TENM3: variants seen among roughly 807,000 people sequenced by gnomAD.
TENM3 encodes the protein teneurin-3.
TENM3 carries 63 observed loss-of-function variants against 255.1 expected under a neutral mutation model. That is an observed-to-expected ratio of 0.25 (90% CI 0.20 to 0.30). The LOEUF is 0.30. TENM3 is among the 10% of genes least tolerant of loss of function. The pLI is 1.00. For synonymous variants in TENM3, 1,306 were observed against 1,322.3 expected, an observed-to-expected ratio of 0.99 and a Z score of 0.27; for missense variants, 2,929 against 3,461.1, an observed-to-expected ratio of 0.85 and a Z score of 3.86.
the TENM3 span, among the ~76,000 whole-genome samples, chr4:181,877,706 A>C: frequency 6.6e-6 from 1 of 152,132 alleles, no homozygotes; most frequent in African/African-American, 2.4e-5. Context: ...TCCAGTCATC[A>C]CATCTCTCTT....
the TENM3 span, among the ~76,000 whole-genome samples, chr4:181,541,404 T>G: frequency 6.6e-6 from 1 of 151,780 alleles, no homozygotes; most frequent in Non-Finnish European, 1.5e-5. Flanking sequence ...ATTAAAAAGT[T>G]CAAAATCTAG....
the TENM3 span, among the ~76,000 whole-genome samples, chr4:181,965,343 T>A: frequency 1.3e-5 from 2 of 152,246 alleles, no homozygotes; most frequent in Non-Finnish European, 2.9e-5. Flanking sequence ...AAGCTCTGAA[T>A]ATTTTAACTT....
At chr4:181,622,153 G>A in the TENM3 span, among the ~76,000 whole-genome samples, 1 of 152,126 alleles carries the variant, frequency 6.6e-6, no homozygotes, top group Non-Finnish European at 1.5e-5. Flanking sequence ...AGTCAGTCCT[G>A]AGATGTCCTA....
intron 5 of TENM3, among the ~76,000 whole-genome samples, chr4:182,649,312 AAAAG>A (rs1467267090): frequency 2.7e-5 from 4 of 150,654 alleles, no homozygotes; most frequent in Admixed American, 2.7e-4. Flanking sequence ...TTTCTACAAA[AAAAG>A]AAGATAATGG....
At chr4:182,455,553 CTTTTTTTTTTTTTTTT>C (rs568361419) in intron 3 of TENM3, among the ~76,000 whole-genome samples, 5 of 73,164 alleles carry the variant, frequency 6.8e-5, no homozygotes, top group East Asian at 9.1e-4. Context: ...CATGGTATTT[CTTTTTTTTTTTTTTTT>C]TTTTTTTTTT....
the TENM3 span, among the ~76,000 whole-genome samples, chr4:181,971,744 A>G: frequency 1.4e-4 from 22 of 151,976 alleles, 1 homozygote; most frequent in East Asian, 2.5e-3. Flanking sequence ...TTTTTAAAAA[A>G]TGTTTGTAGA....
At chr4:181,880,150 C>A in the TENM3 span, among the ~76,000 whole-genome samples, 3 of 152,100 alleles carry the variant, frequency 2.0e-5, no homozygotes, top group Non-Finnish European at 4.4e-5. Context: ...CTGACCTATA[C>A]CAGCCAAAGG....
At chr4:181,726,368 TTTGCATGCAA>T in the TENM3 span, among the ~76,000 whole-genome samples, 4 of 152,148 alleles carry the variant, frequency 2.6e-5, no homozygotes, top group Non-Finnish European at 5.9e-5. Flanking sequence ...TAATGGGTAT[TTTGCATGCAA>T]TTTCACATAT....
chr4:182,596,328 G>C (rs902111370), intron 3 of TENM3, among the ~76,000 whole-genome samples: 2 of 152,162 alleles, frequency 1.3e-5, no homozygotes, highest in Non-Finnish European at 2.9e-5. Flanking sequence ...CTGCCCTTGT[G>C]AGGTCCATAG....
the TENM3 span, among the ~76,000 whole-genome samples, chr4:181,914,709 A>C: frequency 1.3e-5 from 2 of 152,212 alleles, no homozygotes; most frequent in Non-Finnish European, 2.9e-5. Flanking sequence ...TGAGAGAGGG[A>C]AAGGAGGAGA....
chr4:181,971,983 A>T, the TENM3 span, among the ~76,000 whole-genome samples: 1 of 151,562 alleles, frequency 6.6e-6, no homozygotes, highest in African/African-American at 2.4e-5. Flanking sequence ...TATATGACTT[A>T]TGGTTCCATT....
chr4:181,530,968 T>TA, the TENM3 span, among the ~76,000 whole-genome samples: 518 of 152,330 alleles, frequency 3.4e-3, no homozygotes, highest in Middle Eastern at 0.014. Context: ...TCCTTTTTTT[T>TA]AATGTCAGCC....
intron 4 of TENM3, among the ~76,000 whole-genome samples, chr4:182,607,825 A>G (rs186314305): frequency 3.3e-3 from 504 of 152,332 alleles, no homozygotes; most frequent in Middle Eastern, 0.014. Flanking sequence ...GATAACCGTA[A>G]TCTATATAAA....
chr4:182,775,214 G>T, intron 24 of TENM3, 61 bp downstream of exon 24: 1 of 1,511,104 alleles, frequency 6.6e-7, no homozygotes, highest in South Asian at 1.1e-5. Context: ...AGATCATCCT[G>T]AGGGCAGGTT....
At chr4:181,519,503 T>G in the TENM3 span, among the ~76,000 whole-genome samples, 2 of 152,234 alleles carry the variant, frequency 1.3e-5, no homozygotes, top group Non-Finnish European at 2.9e-5. Flanking sequence ...CATTACTGTT[T>G]ATATCAAAAC....
chr4:182,517,135 C>T (rs1738050869), intron 3 of TENM3, among the ~76,000 whole-genome samples: 1 of 152,020 alleles, frequency 6.6e-6, no homozygotes, highest in Non-Finnish European at 1.5e-5. Flanking sequence ...TTTGAAAGAA[C>T]TTCTTTCATC....
the TENM3 span, among the ~76,000 whole-genome samples, chr4:181,566,170 T>G: frequency 6.6e-6 from 1 of 152,200 alleles, no homozygotes; most frequent in African/African-American, 2.4e-5. Flanking sequence ...AAGAGCTGCT[T>G]CTTTTGCAAG....
chr4:181,879,497 G>A, the TENM3 span, among the ~76,000 whole-genome samples: 2 of 152,122 alleles, frequency 1.3e-5, no homozygotes, highest in African/African-American at 4.8e-5. Flanking sequence ...AGCAGTGAAG[G>A]AAAATTGCTA....
At position 182,448,919 on chromosome 4, in the gene TENM3, C is replaced by T. The variant is rs1773185070; in HGVS notation, c.511+101990C>T. The T allele has an allele frequency of 8.7e-6, 3 of 346,786 alleles. 1 individual carries two copies. Among genetic ancestry groups the T allele is most frequent in the South Asian group, 6.0e-5 (3 of 50,204 alleles). 21.5% of individuals were successfully genotyped at this position (346,786 alleles called of 1,614,324 possible). On this transcript the variant is annotated intron_variant, in intron 3 of 27. Coordinates refer to ENST00000511685, the MANE Select transcript of TENM3 (RefSeq NM_001080477.4). Reference sequence around the variant, plus strand: ...GGGGTTAAGCGGCGCACCGCCCCCTCGGCGGCCGGGTGTAAACAGAGGAGC... The same window carrying T: ...GGGGTTAAGCGGCGCACCGCCCCCTTGGCGGCCGGGTGTAAACAGAGGAGC...
Sources: gnomAD v4.1 joint callset for allele counts (sites outside exome capture counted in the v4.1 genomes callset) on GRCh38, gnomAD v4.1.1 for gene constraint, MANE v1.5 for transcripts, NCBI Gene and HGNC (gene_info 2026-07-23, HGNC 2026-07-21) for gene names.